The following KCNH5 variants were observed in gnomAD, a reference collection of about 807,000 sequenced individuals.
KCNH5 encodes potassium voltage-gated channel subfamily H member 5, also known as voltage-gated delayed rectifier potassium channel KCNH5.
In KCNH5, 46 loss-of-function variants were observed where a neutral mutation model predicts 96.1. The ratio of observed to expected loss-of-function variants is 0.48; its 90% CI spans 0.38 to 0.61. The LOEUF is 0.61. Ranked by LOEUF, KCNH5 falls within the 20% of genes least tolerant of loss-of-function variation. The pLI is 0.00. For missense variants in KCNH5, 907 were observed against 1,225.8 expected (o/e 0.74, Z 3.88); for synonymous variants, 439 against 449.8 (o/e 0.98, Z 0.30).
intron 7 of KCNH5, among the ~76,000 whole-genome samples, chr14:62,898,888 T>C (rs907383119): frequency 6.6e-6 from 1 of 152,164 alleles, no homozygotes; most frequent in African/African-American, 2.4e-5. Context: ...TGGATGATAA[T>C]TAGAAATCCA....
chr14:62,807,376 T>C (rs1016554593), intron 8 of KCNH5, among the ~76,000 whole-genome samples: 6 of 152,112 alleles, frequency 3.9e-5, no homozygotes, highest in African/African-American at 1.4e-4. Context: ...TCTAATTAAT[T>C]GGCTGAAACA....
chr14:62,973,084 G>A (rs1454784290), intron 6 of KCNH5, among the ~76,000 whole-genome samples: 3 of 151,462 alleles, frequency 2.0e-5, no homozygotes, highest in Admixed American at 6.6e-5. Context: ...TTTCCATAGT[G>A]GGAGAATCTA....
At chr14:62,924,729 C>T (rs1220514969) in intron 7 of KCNH5, among the ~76,000 whole-genome samples, 1 of 151,888 alleles carries the variant, frequency 6.6e-6, no homozygotes, top group East Asian at 1.9e-4. Flanking sequence ...AAAGACAATG[C>T]ATGATCTCAC....
intron 7 of KCNH5, among the ~76,000 whole-genome samples, chr14:62,892,936 A>C (rs1351920516): frequency 6.6e-6 from 1 of 152,182 alleles, no homozygotes; most frequent in Non-Finnish European, 1.5e-5. Flanking sequence ...ACAGAGATGT[A>C]CAAGAAGATG....
intron 7 of KCNH5, among the ~76,000 whole-genome samples, chr14:62,883,788 T>A (rs1888540294): frequency 6.6e-6 from 1 of 151,756 alleles, no homozygotes; most frequent in African/African-American, 2.4e-5. Flanking sequence ...TACAATAATA[T>A]AATAATAATG....
At chr14:62,974,501 T>C (rs1890466360) in intron 6 of KCNH5, among the ~76,000 whole-genome samples, 1 of 152,230 alleles carries the variant, frequency 6.6e-6, no homozygotes, top group African/African-American at 2.4e-5. Flanking sequence ...GTTCCTTCTT[T>C]TCAAACAGAA....
rs1478049810 is a variant in KCNH5 at position 62,716,110 on chromosome 14, A to G, written c.2020-7655T>C. Among the ~76,000 whole-genome samples the G allele has an allele frequency of 3.3e-5, 5 of 152,172 alleles. No homozygotes were observed. The South Asian group carries it at 6.2e-4, about 19-fold the overall frequency. On this transcript the variant is annotated intron_variant, in intron 10 of 10. Coordinates refer to ENST00000322893, the MANE Select transcript of KCNH5 (RefSeq NM_139318.5). The stretch of plus-strand genomic sequence containing the variant: ...GAACAAAACATTGTAAACTTTATCA[A>G]TGCTAGCCTAACTTTGAAATATGGT...
chr14:62,748,826 T>C lies in KCNH5; in HGVS notation c.2019+30902A>G, dbSNP rs1451147451. On this transcript the variant is annotated intron_variant, in intron 10 of 10. Coordinates refer to ENST00000322893, the MANE Select transcript of KCNH5 (RefSeq NM_139318.5). ...GAAAGTGTTGAATGAACTTGTCTTG[T>C]ATTCCTGCACAAAGAGTACAACTGC... Among the ~76,000 whole-genome samples, 4 of 152,170 alleles carry C rather than the reference T, an allele frequency of 2.6e-5. No homozygotes were observed. The East Asian group carries it at 7.7e-4, about 29-fold the overall frequency.
intron 9 of KCNH5, among the ~76,000 whole-genome samples, chr14:62,791,192 G>A (rs1298219800): frequency 2.6e-5 from 4 of 151,702 alleles, no homozygotes; most frequent in African/African-American, 4.8e-5. Flanking sequence ...ATATATGAAA[G>A]TATAAAACTC....
chr14:62,978,065 T>C (rs755816911), intron 6 of KCNH5, among the ~76,000 whole-genome samples: 8 of 152,206 alleles, frequency 5.3e-5, no homozygotes, highest in Non-Finnish European at 1.2e-4. Context: ...ACATGTGAGC[T>C]GCAGGAGATC....
intron 2 of KCNH5, among the ~76,000 whole-genome samples, chr14:63,008,269 G>T (rs1055104767): frequency 6.6e-6 from 1 of 151,984 alleles, no homozygotes; most frequent in Admixed American, 6.6e-5. Context: ...TATAAAACAA[G>T]ATTACAAACA....
At chr14:62,831,538 G>C (rs1297198300) in intron 8 of KCNH5, among the ~76,000 whole-genome samples, 2 of 152,156 alleles carry the variant, frequency 1.3e-5, no homozygotes, top group Middle Eastern at 3.4e-3. Flanking sequence ...AGAACTGTCT[G>C]TATCTCTTGT....
intron 6 of KCNH5, among the ~76,000 whole-genome samples, chr14:62,964,768 C>T (rs189970028): frequency 4.6e-5 from 7 of 152,176 alleles, no homozygotes; most frequent in Non-Finnish European, 1.0e-4. Flanking sequence ...AAAGATAGTG[C>T]CTCTATTTCC....
At chr14:63,004,636 G>T (rs1891092145) in intron 3 of KCNH5, among the ~76,000 whole-genome samples, 1 of 152,198 alleles carries the variant, frequency 6.6e-6, no homozygotes, top group Non-Finnish European at 1.5e-5. Flanking sequence ...ACAGGGTCTT[G>T]CTCTGTCACC....
At chr14:62,962,035 GC>G (rs1890222219) in intron 6 of KCNH5, among the ~76,000 whole-genome samples, 2 of 152,026 alleles carry the variant, frequency 1.3e-5, no homozygotes, top group South Asian at 4.2e-4. Flanking sequence ...AGATGCAGAT[GC>G]AGATGGAGAC....
intron 9 of KCNH5, among the ~76,000 whole-genome samples, chr14:62,785,106 A>G (rs1234926313): frequency 6.6e-6 from 1 of 152,206 alleles, no homozygotes; most frequent in African/African-American, 2.4e-5. Context: ...CTAATCAACC[A>G]TTTCAAAGTG....
chr14:62,809,565 C>G (rs374403515), intron 8 of KCNH5, among the ~76,000 whole-genome samples: 1 of 152,086 alleles, frequency 6.6e-6, no homozygotes, highest in African/African-American at 2.4e-5. Context: ...TTTGAGGGTA[C>G]AAACCCATGG....
chr14:62,944,752 A>C (rs17100559), intron 7 of KCNH5, among the ~76,000 whole-genome samples: 2,830 of 152,250 alleles, frequency 0.019, 46 homozygotes, highest in Non-Finnish European at 0.027. Context: ...AGGTTTTTCA[A>C]AGGAAATATC....
chr14:62,988,835 T>C (rs1345645712), intron 4 of KCNH5, among the ~76,000 whole-genome samples: 4 of 152,060 alleles, frequency 2.6e-5, no homozygotes, highest in East Asian at 1.9e-4. Flanking sequence ...CACTGGACTT[T>C]TCTTACTACA....
Sources: gnomAD v4.1 joint callset for allele counts (sites outside exome capture counted in the v4.1 genomes callset) on GRCh38, gnomAD v4.1.1 for gene constraint, MANE v1.5 for transcripts, NCBI Gene and HGNC (gene_info 2026-07-23, HGNC 2026-07-21) for gene names.